SPON1: variants seen among roughly 807,000 people sequenced by gnomAD.
The protein encoded by SPON1 is spondin-1.
SPON1 carries 52 observed loss-of-function variants against 111.7 expected under a neutral mutation model. That is an observed-to-expected ratio of 0.47 (90% CI 0.37 to 0.59). The LOEUF is 0.59. SPON1 is among the 20% of genes least tolerant of loss of function. The pLI is 0.00. For missense variants in SPON1, 957 were observed against 1,068.5 expected, an observed-to-expected ratio of 0.90 and a Z score of 1.46; for synonymous variants, 410 against 395.8, an observed-to-expected ratio of 1.04 and a Z score of -0.43.
chr11:14,137,032 G>C (rs1039139866), intron 6 of SPON1, among the ~76,000 whole-genome samples: 22 of 152,234 alleles, frequency 1.4e-4, no homozygotes, highest in African/African-American at 5.3e-4. Context: ...AAAACCTTTT[G>C]TTACAAATAG....
chr11:14,251,719 G>A (rs1849055070), intron 7 of SPON1, among the ~76,000 whole-genome samples: 1 of 152,246 alleles, frequency 6.6e-6, no homozygotes, highest in Non-Finnish European at 1.5e-5. Flanking sequence ...GAGGACAGCT[G>A]CACCCAGGTG....
chr11:14,044,056 C>T (rs1483234226), intron 3 of SPON1, among the ~76,000 whole-genome samples: 2 of 152,094 alleles, frequency 1.3e-5, no homozygotes, highest in African/African-American at 4.8e-5. Context: ...GAAAACGACT[C>T]CCATTTTACA....
chr11:14,144,992 G>C lies in SPON1; in HGVS notation c.825+9424G>C, dbSNP rs554267910. ...CTCATTCAAGGCTTAATTCCATGTA[G>C]TATGGGTAAGTGGGCACTTGTGGTT... On this transcript the variant is annotated intron_variant, in intron 6 of 15. Transcript: ENST00000576479. 4.0e-5 allele frequency among the ~76,000 whole-genome samples: 6 copies of C among 151,610 alleles called. No homozygotes were observed. In the South Asian group the frequency reaches 1.2e-3, roughly 32 times the overall value.
intron 6 of SPON1, among the ~76,000 whole-genome samples, chr11:14,194,528 TCACACACACACA>T (rs372569370): frequency 3.2e-4 from 34 of 106,890 alleles, no homozygotes; most frequent in East Asian, 1.9e-3. Flanking sequence ...TAGGCCTACT[TCACACACACACA>T]CACACACACA....
intron 2 of SPON1, among the ~76,000 whole-genome samples, chr11:13,990,788 A>G (rs2618513): frequency 0.48 from 72,765 of 151,910 alleles, 18,093 homozygotes; most frequent in East Asian, 0.7. Flanking sequence ...ATCTCTCAGC[A>G]TTTGCTTGTC....
rs781826022 is a variant in SPON1 at position 14,135,571 on chromosome 11, A to G, written c.825+3A>G. The G allele has an allele frequency of 3.7e-6, 6 of 1,612,172 alleles. No homozygotes were observed. Among genetic ancestry groups the G allele is most frequent in the Middle Eastern group, 1.7e-4 (1 of 6,056 alleles). ...TGGAGGAAGAAATTCGACAACAGGT[A>G]AGACAAAAAAATCACAGAATGACCA... On this transcript the variant is annotated splice_donor_region_variant and intron_variant, in intron 6 of 15. Coordinates refer to ENST00000576479, the MANE Select transcript of SPON1 (RefSeq NM_006108.4). This position sits in a 1 kb window ranked among gnomAD's most constrained non-coding sequence, Gnocchi z 4.4.
intron 2 of SPON1, among the ~76,000 whole-genome samples, chr11:14,024,586 C>T (rs1280022923): frequency 6.6e-6 from 1 of 152,144 alleles, no homozygotes; most frequent in Non-Finnish European, 1.5e-5. Flanking sequence ...TGGTCCTCTG[C>T]TCCTCCGATG....
chr11:14,151,125 C>T (rs564410924), intron 6 of SPON1, among the ~76,000 whole-genome samples: 1 of 152,338 alleles, frequency 6.6e-6, no homozygotes, highest in East Asian at 1.9e-4. Context: ...TATGCGAATG[C>T]ATTGTTCATT....
chr11:14,073,253 C>T (rs1554921106), intron 3 of SPON1, among the ~76,000 whole-genome samples: 2 of 152,140 alleles, frequency 1.3e-5, no homozygotes, highest in African/African-American at 4.8e-5. Flanking sequence ...GCCATGTGGA[C>T]AGTTTGTGGT....
intron 3 of SPON1, among the ~76,000 whole-genome samples, chr11:14,069,434 C>T (rs1410019192): frequency 2.0e-5 from 3 of 152,110 alleles, no homozygotes; most frequent in African/African-American, 7.2e-5. Flanking sequence ...TTCCCATGCC[C>T]CTTTCTCAGT....
chr11:14,232,871 C>T (rs1016117375), intron 6 of SPON1, among the ~76,000 whole-genome samples: 3 of 152,094 alleles, frequency 2.0e-5, no homozygotes, highest in Non-Finnish European at 4.4e-5. Flanking sequence ...AGTGGGGCAG[C>T]GGCGGCAGCA....
chr11:14,195,505 G>A (rs1454293793), intron 6 of SPON1, among the ~76,000 whole-genome samples: 1 of 152,196 alleles, frequency 6.6e-6, no homozygotes, highest in African/African-American at 2.4e-5. Context: ...AATTCTTACA[G>A]TGCCGGTCAA....
chr11:14,215,157 G>T (rs1168869043), intron 6 of SPON1, among the ~76,000 whole-genome samples: 9 of 152,080 alleles, frequency 5.9e-5, no homozygotes, highest in African/African-American at 2.2e-4. Flanking sequence ...TTGGGCTAAA[G>T]CAGTCCTCCC....
At chr11:14,088,176 A>C (rs1204980605) in intron 5 of SPON1, among the ~76,000 whole-genome samples, 1 of 152,128 alleles carries the variant, frequency 6.6e-6, no homozygotes, top group Admixed American at 6.6e-5. Context: ...TGTCATTATG[A>C]TGCTAGCTGG....
At chr11:13,996,711 G>GTGTATATATATATATATA (rs535844829) in intron 2 of SPON1, among the ~76,000 whole-genome samples, 173 of 145,210 alleles carry the variant, frequency 1.2e-3, no homozygotes, top group African/African-American at 4.6e-3. Context: ...ACCTATGTGT[G>GTGTATATATATATATATA]TATATATATA....
rs555573650 is a variant in SPON1, at chr11:14,091,313, C to T, written c.676+11292C>T. ...TGCAGGTGGAGCTGCCTGCCAGTCC[C>T]GTGCCGAGCGCTGGCATTCCTCAGC... On this transcript the variant is annotated intron_variant, in intron 5 of 15. Transcript: ENST00000576479. Among the ~76,000 whole-genome samples, 23 of 152,338 alleles carry T rather than the reference C, an allele frequency of 1.5e-4. No homozygotes were observed. In the South Asian group the frequency reaches 3.7e-3, roughly 25 times the overall value.
At chr11:13,970,835 T>C (rs1214741977) in intron 1 of SPON1, among the ~76,000 whole-genome samples, 1 of 152,218 alleles carries the variant, frequency 6.6e-6, no homozygotes, top group Non-Finnish European at 1.5e-5. Flanking sequence ...GTTTTCTTCA[T>C]AGCCTTAAAC....
At chr11:14,243,483 T>A (rs142773687) in intron 7 of SPON1, 87 bp downstream of exon 7, 1 of 1,140,544 alleles carries the variant, frequency 8.8e-7, no homozygotes, top group East Asian at 2.6e-5. Context: ...ATACCAGTTA[T>A]GCTGTTGAAG....
At chr11:14,250,729 T>A (rs553029528) in intron 7 of SPON1, among the ~76,000 whole-genome samples, 1 of 152,312 alleles carries the variant, frequency 6.6e-6, no homozygotes, top group East Asian at 1.9e-4. Flanking sequence ...AGCATAAAAA[T>A]TTTTATGACA....
Sources: gnomAD v4.1 joint callset for allele counts (sites outside exome capture counted in the v4.1 genomes callset) on GRCh38, gnomAD v4.1.1 for gene constraint, Gnocchi (gnomAD v3.1) non-coding constraint, MANE v1.5 for transcripts, NCBI Gene and HGNC (gene_info 2026-07-23, HGNC 2026-07-21) for gene names.